RBFOX3: variants seen among roughly 807,000 people sequenced by gnomAD.
RBFOX3 encodes the protein RNA binding fox-1 homolog 3.
A neutral mutation model predicts 48.7 loss-of-function variants in RBFOX3; 17 were observed. The ratio of observed to expected loss-of-function variants is 0.35; its 90% CI spans 0.24 to 0.52. RBFOX3 has a LOEUF of 0.52. RBFOX3 is among the 20% of genes least tolerant of loss of function. The pLI, the probability that RBFOX3 is intolerant of heterozygous loss-of-function variation, is 0.94. For missense variants in RBFOX3, 382 were observed against 497.5 expected (o/e 0.77, Z 2.21); for synonymous variants, 212 against 209.5 (o/e 1.01, Z -0.10).
At chr17:79,464,566 G>T (rs551416452) in intron 2 of RBFOX3, among the ~76,000 whole-genome samples, 12 of 152,374 alleles carry the variant, frequency 7.9e-5, no homozygotes, top group Admixed American at 2.6e-4. Context: ...CAGACGCCGG[G>T]GGGAGGCAAG....
chr17:79,339,335 C>T (rs532780435), intron 2 of RBFOX3, among the ~76,000 whole-genome samples: 3 of 152,324 alleles, frequency 2.0e-5, no homozygotes, highest in African/African-American at 7.2e-5. Flanking sequence ...GGGTTACAGG[C>T]ATGAGCCACT....
intron 3 of RBFOX3, among the ~76,000 whole-genome samples, chr17:79,284,646 T>A (rs1056709259): frequency 3.3e-5 from 5 of 151,734 alleles, no homozygotes; most frequent in East Asian, 1.9e-4. Context: ...TTCAAGGGAT[T>A]CTCCGGCCTC....
At chr17:79,335,972 A>G (rs1038316083) in intron 2 of RBFOX3, among the ~76,000 whole-genome samples, 30 of 152,196 alleles carry the variant, frequency 2.0e-4, no homozygotes, top group Middle Eastern at 3.4e-3. Context: ...TGTTTCTCAC[A>G]CCTGCCGGTC....
chr17:79,562,661 C>T (rs956941669), intron 1 of RBFOX3, among the ~76,000 whole-genome samples: 54 of 152,270 alleles, frequency 3.5e-4, no homozygotes, highest in African/African-American at 1.3e-3. Context: ...TTGCTGCTGC[C>T]GCTTCGGTGT....
chr17:79,202,834 G>A (rs2056966075), intron 4 of RBFOX3, among the ~76,000 whole-genome samples: 1 of 152,254 alleles, frequency 6.6e-6, no homozygotes, highest in South Asian at 2.1e-4. Flanking sequence ...ATGCCTGGTG[G>A]TGAAAAGGCC....
rs2077284065 is a variant in RBFOX3 at position 79,473,369 on chromosome 17, C to T, written c.-175+9085G>A. Among the ~76,000 whole-genome samples the T allele has an allele frequency of 6.6e-6, 1 of 152,202 alleles. No individual in the cohort carries two copies. The highest frequency in any genetic ancestry group is 1.5e-5 in the Non-Finnish European group (1 of 68,036). ...ATTTATCTGCAGCTCAGCTTCCTCA[C>T]AGAGCCCGAGTTGGAACTGTTGTGA... On this transcript the variant is annotated intron_variant, in intron 2 of 14. Transcript: ENST00000693108. The surrounding 1 kb of genome is among the most constrained non-coding windows in gnomAD (Gnocchi z 4.2).
At chr17:79,581,690 T>C (rs1385855080) in intron 1 of RBFOX3, among the ~76,000 whole-genome samples, 1 of 152,250 alleles carries the variant, frequency 6.6e-6, no homozygotes, top group Non-Finnish European at 1.5e-5. Flanking sequence ...GCTGTACTTG[T>C]GCCCACACAG....
At chr17:79,644,729 A>G in the RBFOX3 span, among the ~76,000 whole-genome samples, 24 of 152,256 alleles carry the variant, frequency 1.6e-4, no homozygotes, top group Admixed American at 1.6e-3. Context: ...GAAGAAATTA[A>G]AAGCATCTCT....
intron 4 of RBFOX3, among the ~76,000 whole-genome samples, chr17:79,148,342 G>A (rs575732533): frequency 6.6e-6 from 1 of 152,334 alleles, no homozygotes; most frequent in East Asian, 1.9e-4. Context: ...CTTGGGGCGG[G>A]TCCAAGTCTA....
At chr17:79,120,659 C>T (rs68121514) in intron 4 of RBFOX3, among the ~76,000 whole-genome samples, 29,523 of 114,342 alleles carry the variant, frequency 0.26, 3,402 homozygotes, top group African/African-American at 0.37. Flanking sequence ...TGTGGATGCA[C>T]GGATGAATGG....
intron 1 of RBFOX3, among the ~76,000 whole-genome samples, chr17:79,569,988 GGATGGATGGATA>G (rs2092609172): frequency 2.0e-5 from 2 of 101,262 alleles, no homozygotes; most frequent in South Asian, 8.7e-4. Flanking sequence ...GATGGTAGAT[GGATGGATGGATA>G]GATGAGTTAT....
At position 79,111,262 on chromosome 17, in the gene RBFOX3, G is replaced by A. The variant is rs2031320621; in HGVS notation, c.222+4232C>T. ...GCCCAGGTCCCCAGCAGGCAGTGAG[G>A]GAGGTGCTGGCCCCTCAGACATCAG... On this transcript the variant is annotated intron_variant, in intron 5 of 14. Coordinates refer to ENST00000693108, the MANE Select transcript of RBFOX3 (RefSeq NM_001350451.2). This position sits in a 1 kb window ranked among gnomAD's most constrained non-coding sequence, Gnocchi z 4.2. Among the ~76,000 whole-genome samples the A allele has an allele frequency of 6.6e-6, 1 of 152,160 alleles. No homozygotes were observed. The highest frequency in any genetic ancestry group is 2.4e-5 in the African/African-American group (1 of 41,432).
At chr17:79,108,254 G>A (rs1292793594) in intron 5 of RBFOX3, among the ~76,000 whole-genome samples, 2 of 152,224 alleles carry the variant, frequency 1.3e-5, no homozygotes, top group African/African-American at 4.8e-5. Flanking sequence ...CCGTAGAGGA[G>A]ACTGGGGTCC....
intron 4 of RBFOX3, among the ~76,000 whole-genome samples, chr17:79,125,973 C>A (rs1414900345): frequency 6.6e-6 from 1 of 152,228 alleles, no homozygotes; most frequent in African/African-American, 2.4e-5. Context: ...ATCTGTGCTG[C>A]CCTCACCCTC....
At chr17:79,438,104 G>GCACACACA (rs10659732) in intron 2 of RBFOX3, among the ~76,000 whole-genome samples, 15 of 150,790 alleles carry the variant, frequency 9.9e-5, no homozygotes, top group African/African-American at 2.9e-4. Context: ...GTGCACAGGC[G>GCACACACA]CACACACACA....
At chr17:79,315,330 C>G (rs559028772) in intron 2 of RBFOX3, among the ~76,000 whole-genome samples, 1 of 152,332 alleles carries the variant, frequency 6.6e-6, no homozygotes, top group Non-Finnish European at 1.5e-5. Context: ...GGGACCCAGA[C>G]CCTGGTCTTC....
At chr17:79,652,585 A>AGGAGG in the RBFOX3 span, among the ~76,000 whole-genome samples, 1 of 140,430 alleles carries the variant, frequency 7.1e-6, no homozygotes, top group African/African-American at 2.7e-5. Context: ...AGGAGAGGAG[A>AGGAGG]GGAGAGGAGA....
At position 79,123,310 on chromosome 17, in the gene RBFOX3, A is replaced by T. The variant is rs1004573717; in HGVS notation, c.-33-7562T>A. 1.5e-4 allele frequency among the ~76,000 whole-genome samples: 23 copies of T among 152,302 alleles called. 1 individual carries two copies. Among genetic ancestry groups the T allele is most frequent in the Admixed American group, 7.2e-4 (11 of 15,290 alleles). On this transcript the variant is annotated intron_variant, in intron 4 of 14. Transcript: ENST00000693108. ...ACACACTGCATGCCTGTATCAAAACATCTCATGTATCACATAAATATATAC... is the reference window on the plus strand; with the variant it reads ...ACACACTGCATGCCTGTATCAAAACTTCTCATGTATCACATAAATATATAC...
chr17:79,257,386 C>T (rs2065051804), intron 3 of RBFOX3, among the ~76,000 whole-genome samples: 1 of 152,216 alleles, frequency 6.6e-6, no homozygotes, highest in African/African-American at 2.4e-5. Context: ...AGAATACAAA[C>T]CCGAGACCAA....
Sources: gnomAD v4.1 joint callset for allele counts (sites outside exome capture counted in the v4.1 genomes callset) on GRCh38, gnomAD v4.1.1 for gene constraint, Gnocchi (gnomAD v3.1) non-coding constraint, MANE v1.5 for transcripts, NCBI Gene and HGNC (gene_info 2026-07-23, HGNC 2026-07-21) for gene names.